Variants in ALK observed in about 807,000 individuals in gnomAD.
ALK encodes the protein ALK tyrosine kinase receptor.
ALK carries 74 observed loss-of-function variants against 163.1 expected under a neutral mutation model. That is an observed-to-expected ratio of 0.45 (90% CI 0.38 to 0.55). The LOEUF is 0.55. ALK is among the 20% of genes least tolerant of loss of function. ALK has a pLI of 0.00. For synonymous variants in ALK, 960 were observed against 843.2 expected (o/e 1.14, Z -2.40); for missense variants, 2,063 against 2,105.3 (o/e 0.98, Z 0.39).
Position 29,831,638 on chromosome 2 carries a change from TGC to T in ALK, c.667+88353_667+88354del, listed in dbSNP as rs150184103. Among the ~76,000 whole-genome samples the T allele has an allele frequency of 4.6e-3, 701 of 152,286 alleles. 4 individuals carry two copies. The highest frequency in any genetic ancestry group is 0.015 in the African/African-American group (606 of 41,562). Reference sequence around the variant, plus strand: ...ACTTTTACAACTCAAGTCTGGCCAGTGCAATGCCTTCTCAAGATTCAACACCT... The same window carrying T: ...ACTTTTACAACTCAAGTCTGGCCAGTAATGCCTTCTCAAGATTCAACACCT... On this transcript the variant is annotated intron_variant, in intron 1 of 28. Coordinates refer to ENST00000389048, the MANE Select transcript of ALK (RefSeq NM_004304.5).
chr2:29,283,735 C>T (rs1292515370), intron 9 of ALK, among the ~76,000 whole-genome samples: 1 of 151,890 alleles, frequency 6.6e-6, no homozygotes, highest in Non-Finnish European at 1.5e-5. Context: ...GTGTTTTTTT[C>T]CCCCAACAAT....
At chr2:29,888,856 C>T (rs1667060011) in intron 1 of ALK, among the ~76,000 whole-genome samples, 1 of 152,124 alleles carries the variant, frequency 6.6e-6, no homozygotes, top group Admixed American at 6.5e-5. Flanking sequence ...CCGTAACATC[C>T]AATACACCAT....
intron 9 of ALK, among the ~76,000 whole-genome samples, chr2:29,284,836 T>A (rs1258538816): frequency 1.3e-5 from 2 of 152,176 alleles, no homozygotes; most frequent in African/African-American, 4.8e-5. Flanking sequence ...TGGTTGCACA[T>A]CGTGTGCTGA....
intron 4 of ALK, among the ~76,000 whole-genome samples, chr2:29,528,545 T>C (rs1373156966): frequency 6.6e-6 from 1 of 152,140 alleles, no homozygotes; most frequent in Non-Finnish European, 1.5e-5. Context: ...GCTTGTGTCT[T>C]CCTTACTGGA....
chr2:29,803,378 T>G (rs1664533214), intron 1 of ALK, among the ~76,000 whole-genome samples: 1 of 152,234 alleles, frequency 6.6e-6, no homozygotes, highest in Admixed American at 6.5e-5. Context: ...TTCCACTGAT[T>G]CCTTAATAAT....
intron 9 of ALK, among the ~76,000 whole-genome samples, chr2:29,276,596 G>A (rs1665553490): frequency 6.6e-6 from 1 of 152,170 alleles, no homozygotes; most frequent in Admixed American, 6.5e-5. Flanking sequence ...CCCATCCATT[G>A]GTGACTGGGC....
intron 3 of ALK, among the ~76,000 whole-genome samples, chr2:29,560,095 A>G (rs1028099148): frequency 2.6e-5 from 4 of 152,224 alleles, no homozygotes; most frequent in Non-Finnish European, 4.4e-5. Flanking sequence ...CCATTCTTAG[A>G]CAGCTACCCA....
At chr2:29,751,262 C>T (rs1000801737) in intron 1 of ALK, among the ~76,000 whole-genome samples, 5 of 151,948 alleles carry the variant, frequency 3.3e-5, no homozygotes, top group African/African-American at 1.2e-4. Flanking sequence ...CACTCCTGTA[C>T]ATTTTAGAAA....
Position 29,591,733 on chromosome 2 carries a change from A to AAAAGAAAG in ALK, c.953-59625_953-59618dup, listed in dbSNP as rs147744858. Among the ~76,000 whole-genome samples the AAAAGAAAG allele has an allele frequency of 3.9e-3, 595 of 152,218 alleles. 1 individual carries two copies. Among genetic ancestry groups the AAAAGAAAG allele is most frequent in the African/African-American group, 0.014 (570 of 41,544 alleles). On this transcript the variant is annotated intron_variant, in intron 3 of 28. Coordinates refer to ENST00000389048, the MANE Select transcript of ALK (RefSeq NM_004304.5). ...GGGGGCCTGGTAAGACAAGGAAGGAAAAAGAAAGTTTTTACAAAAATAATC... is the reference window on the plus strand; with the variant it reads ...GGGGGCCTGGTAAGACAAGGAAGGAAAAAGAAAGAAAGAAAGTTTTTACAAAAATAATC...
intron 4 of ALK, among the ~76,000 whole-genome samples, chr2:29,391,599 A>C (rs1669174378): frequency 6.6e-6 from 1 of 152,050 alleles, no homozygotes; most frequent in African/African-American, 2.4e-5. Context: ...GAGCCACCGC[A>C]CCGGCCTCCT....
At chr2:29,342,651 T>C (rs571872519) in intron 5 of ALK, among the ~76,000 whole-genome samples, 1 of 152,338 alleles carries the variant, frequency 6.6e-6, no homozygotes, top group African/African-American at 2.4e-5. Context: ...TAAGCCCTAA[T>C]GAAGACTGTA....
chr2:29,853,921 T>TA (rs1666072653), intron 1 of ALK, among the ~76,000 whole-genome samples: 1 of 150,554 alleles, frequency 6.6e-6, no homozygotes. Context: ...TTCTTTTTTT[T>TA]TTTCCTGAGA....
chr2:29,216,284 ATC>A (rs1669603943), intron 23 of ALK, among the ~76,000 whole-genome samples: 1 of 151,954 alleles, frequency 6.6e-6, no homozygotes, highest in African/African-American at 2.4e-5. Flanking sequence ...AGAGCGAAAT[ATC>A]TTTTTGCTCT....
chr2:29,571,602 C>CTTTTTTTTTTTTTTTTTTTTTTTTTTTTT lies in ALK; in HGVS notation c.953-39515_953-39487dup, dbSNP rs60429543. 1.6e-4 allele frequency among the ~76,000 whole-genome samples: 11 copies of CTTTTTTTTTTTTTTTTTTTTTTTTTTTTT among 68,530 alleles called. 3 individuals are homozygous for CTTTTTTTTTTTTTTTTTTTTTTTTTTTTT. Among genetic ancestry groups the CTTTTTTTTTTTTTTTTTTTTTTTTTTTTT allele is most frequent in the African/African-American group, 2.9e-4 (4 of 13,632 alleles). 45.0% of individuals were successfully genotyped at this position (68,530 alleles called of 152,430 possible). On this transcript the variant is annotated intron_variant, in intron 3 of 28. Coordinates refer to ENST00000389048, the MANE Select transcript of ALK (RefSeq NM_004304.5). The stretch of plus-strand genomic sequence containing the variant: ...TAAATTACCTAGTCTTGGCTCATAT[C>CTTTTTTTTTTTTTTTTTTTTTTTTTTTTT]TTTTTTTTTTTTTTTTTTTTTTTTT...
chr2:29,524,290 G>A (rs756573465), intron 4 of ALK, among the ~76,000 whole-genome samples: 1 of 152,182 alleles, frequency 6.6e-6, no homozygotes, highest in Non-Finnish European at 1.5e-5. Context: ...CAAGACTTGT[G>A]GGCCAGAATT....
In ALK at chr2:29,672,988, T is replaced by C. The variant is rs1450942642; in HGVS notation, c.952+21862A>G. Among the ~76,000 whole-genome samples, 4 of 128,212 alleles carry C rather than the reference T, an allele frequency of 3.1e-5. No individual in the cohort carries two copies. The South Asian group carries it at 8.6e-4, about 28-fold the overall frequency. The allele number at this position is 128,212 out of a possible 152,430, so 84.1% of individuals were successfully genotyped here. A position where few individuals can be genotyped will look rare whatever the true frequency, so the allele number is the denominator to read the frequency against. On this transcript the variant is annotated intron_variant, in intron 3 of 28. Coordinates refer to ENST00000389048, the MANE Select transcript of ALK (RefSeq NM_004304.5). Reference sequence around the variant, plus strand: ...CATAAATGTCTTCTTTTGAGAAGTGTCTGTTCATGTCCTTTGCCCACTTTT... The same window carrying C: ...CATAAATGTCTTCTTTTGAGAAGTGCCTGTTCATGTCCTTTGCCCACTTTT...
At chr2:29,286,383 A>G (rs191266737) in intron 9 of ALK, 20 of 152,272 alleles carry the variant, frequency 1.3e-4, no homozygotes, top group Admixed American at 4.6e-4. Context: ...AGATACCTGG[A>G]TCTGCCATTA....
intron 1 of ALK, among the ~76,000 whole-genome samples, chr2:29,917,168 T>A (rs1667856758): frequency 6.6e-6 from 1 of 152,228 alleles, no homozygotes; most frequent in Non-Finnish European, 1.5e-5. Flanking sequence ...TAGGAAGCTA[T>A]CTTTGGTCTG....
intron 12 of ALK, among the ~76,000 whole-genome samples, chr2:29,248,396 G>C (rs1440027960): frequency 1.3e-5 from 2 of 152,184 alleles, no homozygotes; most frequent in Non-Finnish European, 2.9e-5. Context: ...CTGGGAGGCG[G>C]AAGTTGCAGT....
Sources: gnomAD v4.1 joint callset for allele counts (sites outside exome capture counted in the v4.1 genomes callset) on GRCh38, gnomAD v4.1.1 for gene constraint, MANE v1.5 for transcripts, NCBI Gene and HGNC (gene_info 2026-07-23, HGNC 2026-07-21) for gene names.